CPNE4: variants seen among roughly 807,000 people sequenced by gnomAD.
The protein encoded by CPNE4 is copine-4.
A neutral mutation model predicts 67.9 loss-of-function variants in CPNE4; 25 were observed. The observed-to-expected ratio is 0.37, with a 90% CI of 0.27 to 0.51. The LOEUF is 0.51. Ranked by LOEUF, CPNE4 falls within the 20% of genes least tolerant of loss-of-function variation. The pLI is 0.93. For missense variants in CPNE4, 464 were observed against 690.8 expected (o/e 0.67, Z 3.68); for synonymous variants, 242 against 244.9 (o/e 0.99, Z 0.11).
chr3:131,688,240 C>A (rs1461395208), intron 5 of CPNE4, among the ~76,000 whole-genome samples: 1 of 152,140 alleles, frequency 6.6e-6, no homozygotes, highest in Admixed American at 6.5e-5. Context: ...CAAGATGCTC[C>A]ACAACACCCA....
intron 7 of CPNE4, among the ~76,000 whole-genome samples, chr3:131,592,421 C>G (rs1228855415): frequency 6.6e-6 from 1 of 152,068 alleles, no homozygotes; most frequent in Admixed American, 6.6e-5. Flanking sequence ...TAAACCCAGG[C>G]CATTTGTGTT....
chr3:131,982,348 T>C (rs2072928996), intron 1 of CPNE4, among the ~76,000 whole-genome samples: 1 of 152,206 alleles, frequency 6.6e-6, no homozygotes. Context: ...TTAATGAAGA[T>C]ATCAGAATTC....
intron 4 of CPNE4, among the ~76,000 whole-genome samples, chr3:131,696,825 C>T (rs1259767846): frequency 6.6e-6 from 1 of 152,056 alleles, no homozygotes; most frequent in African/African-American, 2.4e-5. Context: ...AACTAGACAC[C>T]ATTTATACTG....
chr3:131,954,810 A>G (rs1163769869), intron 1 of CPNE4, among the ~76,000 whole-genome samples: 2 of 152,026 alleles, frequency 1.3e-5, no homozygotes, highest in Non-Finnish European at 2.9e-5. Context: ...CCATGTCCCT[A>G]CAGAGGACAT....
chr3:131,822,471 C>G (rs1054141811), intron 2 of CPNE4, among the ~76,000 whole-genome samples: 1 of 152,126 alleles, frequency 6.6e-6, no homozygotes. Context: ...AATTTCATAT[C>G]CATATATAAT....
chr3:131,806,055 CTTAGATA>C (rs2084297641), intron 2 of CPNE4, among the ~76,000 whole-genome samples: 1 of 152,132 alleles, frequency 6.6e-6, no homozygotes, highest in Non-Finnish European at 1.5e-5. Flanking sequence ...TAGTGAATAA[CTTAGATA>C]TTAGATACTG....
At chr3:131,586,227 G>A (rs1938172504) in intron 8 of CPNE4, among the ~76,000 whole-genome samples, 1 of 152,148 alleles carries the variant, frequency 6.6e-6, no homozygotes, top group Non-Finnish European at 1.5e-5. Context: ...TGCTCCATGA[G>A]GACAGTGAAC....
intron 1 of CPNE4, among the ~76,000 whole-genome samples, chr3:132,027,031 A>T (rs531457736): frequency 1.6e-4 from 24 of 152,326 alleles, no homozygotes; most frequent in African/African-American, 5.5e-4. Flanking sequence ...CAACCCTGTG[A>T]TTTCTTGGCA....
chr3:131,968,656 T>A (rs2072423265), intron 1 of CPNE4, among the ~76,000 whole-genome samples: 1 of 152,170 alleles, frequency 6.6e-6, no homozygotes, highest in Admixed American at 6.5e-5. Flanking sequence ...CACAATGACA[T>A]ACCATCTCAT....
intron 2 of CPNE4, among the ~76,000 whole-genome samples, chr3:131,884,630 G>T (rs2087807635): frequency 6.6e-6 from 1 of 152,160 alleles, no homozygotes; most frequent in South Asian, 2.1e-4. Flanking sequence ...ATCTCATCTT[G>T]AATGGTACTC....
chr3:131,902,501 T>C (rs577781537), intron 2 of CPNE4, among the ~76,000 whole-genome samples: 1 of 152,170 alleles, frequency 6.6e-6, no homozygotes, highest in South Asian at 2.1e-4. Flanking sequence ...ATAGGGTATA[T>C]CTGGAAGGAA....
At chr3:131,943,538 T>A (rs1045626815) in intron 1 of CPNE4, among the ~76,000 whole-genome samples, 6 of 152,102 alleles carry the variant, frequency 3.9e-5, no homozygotes, top group Non-Finnish European at 8.8e-5. Flanking sequence ...TTATTATTAC[T>A]TCTTATTCAA....
intron 2 of CPNE4, among the ~76,000 whole-genome samples, chr3:131,812,529 T>A (rs983029619): frequency 1.3e-4 from 20 of 152,296 alleles, no homozygotes; most frequent in African/African-American, 4.6e-4. Flanking sequence ...AACAAAAGAA[T>A]CTGAGCTTTT....
chr3:131,961,711 G>T (rs1483353172), intron 1 of CPNE4, among the ~76,000 whole-genome samples: 1 of 152,126 alleles, frequency 6.6e-6, no homozygotes, highest in Non-Finnish European at 1.5e-5. Flanking sequence ...GAACATACAG[G>T]ATTGAAGGGG....
chr3:131,606,504 A>G (rs1437025040), intron 7 of CPNE4, among the ~76,000 whole-genome samples: 1 of 152,154 alleles, frequency 6.6e-6, no homozygotes, highest in African/African-American at 2.4e-5. Flanking sequence ...ATCTAGCCAG[A>G]TTCACACACG....
At chr3:131,850,876 T>C (rs2086214869) in intron 2 of CPNE4, among the ~76,000 whole-genome samples, 1 of 152,128 alleles carries the variant, frequency 6.6e-6, no homozygotes, top group Non-Finnish European at 1.5e-5. Flanking sequence ...CAAACCTGGG[T>C]AATATGATTT....
intron 2 of CPNE4, among the ~76,000 whole-genome samples, chr3:131,835,345 G>A (rs931410569): frequency 6.6e-6 from 1 of 152,066 alleles, no homozygotes; most frequent in Admixed American, 6.5e-5. Flanking sequence ...TCTGGCCAAC[G>A]TGGTGAAATA....
At chr3:131,696,649 A>T in intron 4 of CPNE4, 33 bp from the exon 5 acceptor site, 2 of 1,590,966 alleles carry the variant, frequency 1.3e-6, no homozygotes, top group Non-Finnish European at 1.7e-6. Context: ...GCTGCAATAG[A>T]GGGTGAACTC....
intron 7 of CPNE4, among the ~76,000 whole-genome samples, chr3:131,634,923 T>C (rs1016394286): frequency 6.6e-6 from 1 of 152,128 alleles, no homozygotes; most frequent in African/African-American, 2.4e-5. Context: ...TAATAACACA[T>C]CAAATGGTAC....
Sources: gnomAD v4.1 joint callset for allele counts (sites outside exome capture counted in the v4.1 genomes callset) on GRCh38, gnomAD v4.1.1 for gene constraint, MANE v1.5 for transcripts, NCBI Gene and HGNC (gene_info 2026-07-23, HGNC 2026-07-21) for gene names.